The following GUCY2F variants were observed in gnomAD, a reference collection of about 807,000 sequenced individuals.
GUCY2F encodes the protein guanylate cyclase 2F, retinal, also known as retinal guanylyl cyclase 2.
Under a neutral mutation model 73.1 loss-of-function variants are expected in GUCY2F, and 61 were observed. That is an observed-to-expected ratio of 0.83 (90% CI 0.68 to 1.03). The LOEUF (loss-of-function observed/expected upper bound fraction) is 1.03, where lower values mean the gene tolerates loss of function less well. Ranked by LOEUF, GUCY2F falls within the 50% of genes least tolerant of loss-of-function variation. The pLI is 0.00. For synonymous variants in GUCY2F, 331 were observed against 307.8 expected, an observed-to-expected ratio of 1.08 and a Z score of -0.79; for missense variants, 912 against 854.3, an observed-to-expected ratio of 1.07 and a Z score of -0.84.
chrX:109,471,042 T>A (rs760599701), intron 2 of GUCY2F, among the ~76,000 whole-genome samples: 2 of 112,341 alleles, frequency 1.8e-5, no homozygotes, highest in East Asian at 5.6e-4. Context: ...TACCATTATT[T>A]TTATTGCTAT....
Position 109,404,432 on chromosome X carries a change from C to T in GUCY2F, c.2021G>A (p.Arg674Gln), listed in dbSNP as rs765768638. The change falls in exon 10 of 20, where the codon CGA becomes CAA. Residue 674 changes from arginine (R) to glutamine (Q), a missense_variant. By Grantham distance (43) the Arg-to-Gln change is conservative (BLOSUM62 1). Coordinates refer to ENST00000218006, the MANE Select transcript of GUCY2F (RefSeq NM_001522.3). ...REFVHGRLKS[R>Q]NCVVDGRFVL... is the part of the protein sequence containing the mutation. Reference sequence around the variant, plus strand: ...AAAACGCCCATCTACCACACAGTTTCGAGACTTTAGCCTCCCATGAACAAA... The same window carrying T: ...AAAACGCCCATCTACCACACAGTTTTGAGACTTTAGCCTCCCATGAACAAA... The T allele has an allele frequency of 4.2e-6, 5 of 1,192,820 alleles. No homozygotes were observed. The African/African-American group carries it at 5.2e-5, about 12-fold the overall frequency.
intron 17 of GUCY2F, among the ~76,000 whole-genome samples, chrX:109,376,597 T>C (rs1930186687): frequency 8.9e-6 from 1 of 112,403 alleles, no homozygotes; most frequent in Non-Finnish European, 1.9e-5. Flanking sequence ...GGCTGTTAAA[T>C]TTTAAGCCTA....
intron 15 of GUCY2F, 41 bp downstream of exon 15, chrX:109,388,448 G>A (rs1414468198): frequency 9.9e-7 from 1 of 1,011,447 alleles, no homozygotes. Flanking sequence ...TCTTCCTAGA[G>A]GCGCATTAGA....
At position 109,376,107 on chromosome X, in the gene GUCY2F, G is replaced by A. The variant is rs1930173917; in HGVS notation, c.3211C>T (p.Pro1071Ser). The change falls in exon 18 of 20, where the codon CCT (proline) becomes TCT (serine). Residue 1071 changes from proline to serine, a missense_variant. By Grantham distance (74) the Pro-to-Ser change is moderately conservative (BLOSUM62 -1). Transcript: ENST00000218006. ...IGKKGFMKPL[P>S]VPPPVDKDGQ... ...TCTTTGTCCACTGGTGGGGGCACAG[G>A]AAGGGGCTTCATGAAGCCTTTTTTC... The A allele has an allele frequency of 1.7e-6, 2 of 1,203,443 alleles. No homozygotes were observed. Among genetic ancestry groups the A allele is most frequent in the Non-Finnish European group, 2.3e-6 (2 of 888,801 alleles).
At chrX:109,380,039 A>G (rs906205250) in intron 17 of GUCY2F, among the ~76,000 whole-genome samples, 3 of 112,450 alleles carry the variant, frequency 2.7e-5, no homozygotes, top group African/African-American at 9.7e-5. Flanking sequence ...AATAACGTAA[A>G]GTGTCATCAA....
At chrX:109,401,498 A>G (rs1464573629) in intron 10 of GUCY2F, among the ~76,000 whole-genome samples, 2 of 112,187 alleles carry the variant, frequency 1.8e-5, no homozygotes, top group African/African-American at 3.2e-5. Context: ...ATTTAGCCTC[A>G]TATCTAAGGT....
intron 3 of GUCY2F, among the ~76,000 whole-genome samples, chrX:109,462,541 G>A (rs776600730): frequency 8.9e-6 from 1 of 111,972 alleles, no homozygotes; most frequent in South Asian, 3.7e-4. Context: ...GTGTAAAGCA[G>A]AGTGCAGGCT....
chrX:109,435,559 C>T (rs1931722129), intron 7 of GUCY2F, among the ~76,000 whole-genome samples: 2 of 110,622 alleles, frequency 1.8e-5, no homozygotes, highest in South Asian at 7.7e-4. Context: ...GATATACAAT[C>T]ATGCCGTCTG....
intron 8 of GUCY2F, among the ~76,000 whole-genome samples, chrX:109,428,073 T>C (rs964656175): frequency 8.0e-4 from 90 of 112,449 alleles, no homozygotes; most frequent in Non-Finnish European, 1.2e-3. Flanking sequence ...TTCTTTCTTA[T>C]AATAAAATGT....
rs1372435579 is a variant in GUCY2F, at chrX:109,452,032, T to G, written c.1463A>C (p.Tyr488Ser). 1 of 1,025,520 alleles carries G rather than the reference T, an allele frequency of 9.8e-7. No homozygotes were observed. Among genetic ancestry groups the G allele is most frequent in the Non-Finnish European group, 1.4e-6 (1 of 725,868 alleles). The allele number at this position is 1,025,520 out of a possible 1,213,427, so 84.5% of individuals were successfully genotyped here. A position where few individuals can be genotyped will look rare whatever the true frequency, so the allele number is the denominator to read the frequency against. The change falls in exon 5 of 20, where the codon TAC (tyrosine) becomes TCC (serine). Residue 488 changes from tyrosine to serine, a missense_variant. By Grantham distance (144) the Tyr-to-Ser change is moderately radical (BLOSUM62 -2). Transcript: ENST00000218006. Reference protein sequence around the residue: ...IALLSINGFAYFIRRRINKIQ... With the variant: ...IALLSINGFASFIRRRINKIQ... Reference sequence around the variant, plus strand: ...ATAACAAAAAATGTACCTTATAAAGTAAGCAAATCCATTAATAGACAGCAG... The same window carrying G: ...ATAACAAAAAATGTACCTTATAAAGGAAGCAAATCCATTAATAGACAGCAG...
rs1669530979 is a variant in GUCY2F at position 109,453,603 on chromosome X, A to G, written c.1289T>C (p.Leu430Pro). 2 of 1,207,128 alleles carry G rather than the reference A, an allele frequency of 1.7e-6. 1 individual carries two copies. Among genetic ancestry groups the G allele is most frequent in the South Asian group, 3.5e-5 (2 of 56,877 alleles). Residue 430 changes from leucine (L) to proline (P), a missense_variant, in exon 4 of 20, where the codon CTG (leucine) becomes CCG (proline). Coordinates refer to ENST00000218006, the MANE Select transcript of GUCY2F (RefSeq NM_001522.3). ...AATAGGGGTCCCTCCGAAACGTAGC[A>G]GCTCCATTTCCATGTCCACAGTGTA... is the stretch of plus-strand genomic sequence containing the variant. ...STYTVDMEME[L>P]LRFGGTPIHF...
At chrX:109,386,847 T>TA (rs779563543) in intron 15 of GUCY2F, among the ~76,000 whole-genome samples, 94 of 111,789 alleles carry the variant, frequency 8.4e-4, no homozygotes, top group African/African-American at 2.7e-3. Flanking sequence ...AAGTTTTAAA[T>TA]ATGTTAAATT....
At chrX:109,414,763 G>A (rs1472605934) in intron 8 of GUCY2F, among the ~76,000 whole-genome samples, 3 of 111,748 alleles carry the variant, frequency 2.7e-5, no homozygotes, top group Admixed American at 9.5e-5. Flanking sequence ...AAAGATGAGT[G>A]GATTAAACCA....
At position 109,404,447 on chromosome X, in the gene GUCY2F, C is replaced by T. The variant is rs1325140551; in HGVS notation, c.2006G>A (p.Gly669Glu). Reference sequence around the variant, plus strand: ...CACACAGTTTCGAGACTTTAGCCTCCCATGAACAAACTCTCTGTGGTGTAA... The same window carrying T: ...CACACAGTTTCGAGACTTTAGCCTCTCATGAACAAACTCTCTGTGGTGTAA... ...KYLHHREFVH[G>E]RLKSRNCVVD... Residue 669 changes from glycine to glutamate, a missense_variant, in exon 10 of 20, where the codon GGG becomes GAG. Coordinates refer to ENST00000218006, the MANE Select transcript of GUCY2F (RefSeq NM_001522.3). The T allele has an allele frequency of 8.4e-7, 1 of 1,194,817 alleles. No homozygotes were observed. Among genetic ancestry groups the T allele is most frequent in the East Asian group, 3.0e-5 (1 of 33,732 alleles).
In GUCY2F at chrX:109,475,309, G is replaced by A. The variant is rs372564035; in HGVS notation, c.628C>T (p.Arg210Trp). The A allele has an allele frequency of 9.9e-6, 12 of 1,210,960 alleles. No individual in the cohort carries two copies. The highest frequency in any genetic ancestry group is 4.6e-4 in the Middle Eastern group (2 of 4,351). ...ACCCCTACAGGTAAGCCGTGGCTCC[G>A]AAGAGCACTTGCGACTCGATTGGCT... ...HTANRVASAL[R>W]SHGLPVGVVL... Residue 210 changes from arginine to tryptophan, a missense_variant, in exon 2 of 20, where the codon CGG becomes TGG. Physicochemically the swap from Arg to Trp is moderately radical, Grantham distance 101. Coordinates refer to ENST00000218006, the MANE Select transcript of GUCY2F (RefSeq NM_001522.3).
intron 10 of GUCY2F, among the ~76,000 whole-genome samples, chrX:109,401,236 A>T (rs1286589724): frequency 1.8e-5 from 2 of 112,176 alleles, no homozygotes; most frequent in Non-Finnish European, 3.8e-5. Context: ...CGGGAAAACT[A>T]GAGAAATTAC....
intron 2 of GUCY2F, among the ~76,000 whole-genome samples, chrX:109,472,529 G>A (rs1017625753): frequency 8.9e-6 from 1 of 112,096 alleles, no homozygotes; most frequent in Non-Finnish European, 1.9e-5. Flanking sequence ...AGTCCAGATA[G>A]ATAACATCCA....
At chrX:109,437,075 G>C (rs1480174455) in intron 7 of GUCY2F, among the ~76,000 whole-genome samples, 2 of 110,122 alleles carry the variant, frequency 1.8e-5, no homozygotes. Flanking sequence ...ATAGAGTACT[G>C]TTTCAGAAGA....
At chrX:109,392,796 G>A in intron 13 of GUCY2F, 96 bp downstream of exon 13, 1 of 515,619 alleles carries the variant, frequency 1.9e-6, no homozygotes, top group Non-Finnish European at 3.3e-6. Flanking sequence ...AGGGGAGGCA[G>A]CAGTTAGTTG....
Sources: allele counts gnomAD v4.1 joint callset (sites outside exome capture counted in the v4.1 genomes callset), GRCh38; gene constraint gnomAD v4.1.1; transcripts MANE v1.5; gene names NCBI Gene and HGNC (gene_info 2026-07-23, HGNC 2026-07-21).